The following PIP5K1B variants were observed in gnomAD, a reference collection of about 807,000 sequenced individuals.
The protein encoded by PIP5K1B is phosphatidylinositol 4-phosphate 5-kinase type-1 beta.
Under a neutral mutation model 67.0 loss-of-function variants are expected in PIP5K1B, and 42 were observed. That is an observed-to-expected ratio of 0.63 (90% CI 0.49 to 0.81). PIP5K1B has a LOEUF of 0.81. Among genes scored for constraint, PIP5K1B ranks in the 30% least tolerant of loss-of-function variants. The pLI is 0.00. For missense variants in PIP5K1B, 459 were observed against 646.3 expected, an observed-to-expected ratio of 0.71 and a Z score of 3.14; for synonymous variants, 214 against 231.4, an observed-to-expected ratio of 0.92 and a Z score of 0.68.
At chr9:68,766,942 C>G (rs1156558514) in intron 2 of PIP5K1B, among the ~76,000 whole-genome samples, 5 of 152,126 alleles carry the variant, frequency 3.3e-5, no homozygotes, top group Non-Finnish European at 5.9e-5. Context: ...AAAATGTTAT[C>G]AAAAGATGCT....
chr9:68,823,585 C>G (rs377711580), intron 4 of PIP5K1B, among the ~76,000 whole-genome samples: 4 of 152,136 alleles, frequency 2.6e-5, no homozygotes, highest in African/African-American at 9.7e-5. Flanking sequence ...GATAAATTCT[C>G]GACTCCCAGC....
intron 5 of PIP5K1B, among the ~76,000 whole-genome samples, chr9:68,873,883 A>G (rs188504929): frequency 4.6e-5 from 7 of 152,350 alleles, no homozygotes; most frequent in Admixed American, 3.9e-4. Context: ...CAGTGTATCC[A>G]GTAGGACTTA....
rs183987123 is a variant in PIP5K1B at position 68,872,485 on chromosome 9, G to A, written c.201-4192G>A. Among the ~76,000 whole-genome samples, 188 of 152,348 alleles carry A rather than the reference G, an allele frequency of 1.2e-3. 1 individual carries two copies. Among genetic ancestry groups the A allele is most frequent in the Non-Finnish European group, 6.3e-4 (43 of 68,018 alleles). Reference sequence around the variant, plus strand: ...TGAGCACGGAGGGCTCAGTTTGGGGGAAGAGGAATCAGTTTATGGCTTTTA... The same window carrying A: ...TGAGCACGGAGGGCTCAGTTTGGGGAAAGAGGAATCAGTTTATGGCTTTTA... On this transcript the variant is annotated intron_variant, in intron 5 of 15. Transcript: ENST00000265382.
intron 14 of PIP5K1B, among the ~76,000 whole-genome samples, chr9:68,988,224 T>A (rs1385449738): frequency 6.6e-6 from 1 of 151,994 alleles, no homozygotes. Context: ...TTAGCATTCC[T>A]TCCCTTTTTC....
chr9:68,952,186 C>A (rs1366671957), intron 14 of PIP5K1B, among the ~76,000 whole-genome samples: 1 of 152,162 alleles, frequency 6.6e-6, no homozygotes, highest in African/African-American at 2.4e-5. Context: ...AAATGACTGC[C>A]TTGTTCTTCG....
chr9:68,927,630 G>A (rs562762518), intron 12 of PIP5K1B, among the ~76,000 whole-genome samples: 5 of 152,202 alleles, frequency 3.3e-5, no homozygotes, highest in African/African-American at 1.2e-4. Context: ...TTATTGAGTT[G>A]TAAGAGTTCT....
chr9:68,901,328 G>A (rs1286493396), intron 8 of PIP5K1B, among the ~76,000 whole-genome samples: 5 of 152,088 alleles, frequency 3.3e-5, no homozygotes, highest in Admixed American at 1.3e-4. Flanking sequence ...GCATAATCTC[G>A]GCTCACTGCA....
At chr9:68,872,158 C>G (rs1823657039) in intron 5 of PIP5K1B, among the ~76,000 whole-genome samples, 1 of 152,182 alleles carries the variant, frequency 6.6e-6, no homozygotes, top group Non-Finnish European at 1.5e-5. Flanking sequence ...GCACTTGGTA[C>G]CTGTGCTGTG....
At chr9:68,937,623 T>G (rs1294944024) in intron 13 of PIP5K1B, among the ~76,000 whole-genome samples, 2 of 152,200 alleles carry the variant, frequency 1.3e-5, no homozygotes, top group Non-Finnish European at 2.9e-5. Flanking sequence ...GCTCTGATCT[T>G]AGTTATTTCT....
intron 2 of PIP5K1B, among the ~76,000 whole-genome samples, chr9:68,794,996 T>C (rs1832207438): frequency 6.6e-6 from 1 of 152,174 alleles, no homozygotes; most frequent in African/African-American, 2.4e-5. Flanking sequence ...GAACTGCTTA[T>C]CTCTCCTGAT....
intron 2 of PIP5K1B, among the ~76,000 whole-genome samples, chr9:68,805,928 T>C (rs1832852264): frequency 6.6e-6 from 1 of 152,168 alleles, no homozygotes; most frequent in Admixed American, 6.5e-5. Context: ...GCTGGAGAGT[T>C]GTCAGGCTGT....
At chr9:68,857,912 A>G (rs1822863705) in intron 4 of PIP5K1B, among the ~76,000 whole-genome samples, 1 of 152,090 alleles carries the variant, frequency 6.6e-6, no homozygotes, top group African/African-American at 2.4e-5. Context: ...GAGGCTGGTC[A>G]GCATCTCCCT....
chr9:68,921,893 GC>G (rs1826424941), intron 11 of PIP5K1B, among the ~76,000 whole-genome samples: 2 of 152,088 alleles, frequency 1.3e-5, no homozygotes, highest in African/African-American at 4.8e-5. Flanking sequence ...CCTATCATCT[GC>G]TTTTCTTTTC....
chr9:68,882,437 G>T (rs1346525452), intron 6 of PIP5K1B, among the ~76,000 whole-genome samples: 1 of 152,078 alleles, frequency 6.6e-6, no homozygotes, highest in Non-Finnish European at 1.5e-5. Flanking sequence ...TTTCATTCGT[G>T]TTATGTATAA....
chr9:68,906,557 G>A (rs1474778199), intron 8 of PIP5K1B, among the ~76,000 whole-genome samples: 1 of 152,202 alleles, frequency 6.6e-6, no homozygotes, highest in Non-Finnish European at 1.5e-5. Flanking sequence ...TGTTTTAAAA[G>A]GGATATGTAC....
intron 4 of PIP5K1B, among the ~76,000 whole-genome samples, chr9:68,852,544 A>G (rs1822544989): frequency 6.6e-6 from 1 of 152,206 alleles, no homozygotes; most frequent in South Asian, 2.1e-4. Context: ...GTCTTCTGCC[A>G]TGGTGTCCCA....
At chr9:68,878,975 C>T (rs1824039024) in intron 6 of PIP5K1B, among the ~76,000 whole-genome samples, 1 of 152,002 alleles carries the variant, frequency 6.6e-6, no homozygotes, top group South Asian at 2.1e-4. Flanking sequence ...TTTAGTGGAC[C>T]AATATGGCTG....
chr9:68,765,744 A>T (rs1204123938), intron 2 of PIP5K1B, among the ~76,000 whole-genome samples: 1 of 152,188 alleles, frequency 6.6e-6, no homozygotes. Flanking sequence ...AAAAAGTGCC[A>T]CTTTTTGTTA....
chr9:68,841,509 T>C (rs1210849979), intron 4 of PIP5K1B, among the ~76,000 whole-genome samples: 1 of 152,246 alleles, frequency 6.6e-6, no homozygotes, highest in Non-Finnish European at 1.5e-5. Context: ...TTGAGAGCTA[T>C]AAATAGGCCA....
Sources: gnomAD v4.1 joint callset for allele counts (sites outside exome capture counted in the v4.1 genomes callset) on GRCh38, gnomAD v4.1.1 for gene constraint, MANE v1.5 for transcripts, NCBI Gene and HGNC (gene_info 2026-07-23, HGNC 2026-07-21) for gene names.